ICOSLG: variants seen among roughly 807,000 people sequenced by gnomAD.
ICOSLG encodes inducible T cell costimulator ligand.
For missense variants in ICOSLG, 35 were observed against 158.4 expected, an observed-to-expected ratio of 0.22 and a Z score of 4.18; for synonymous variants, 15 against 64.2, an observed-to-expected ratio of 0.23 and a Z score of 3.66.
At chr21:44,229,948 C>T in exon 6 of ICOSLG, 1 of 830,640 alleles carries the variant, frequency 1.2e-6, no homozygotes. Context: ...TTGTTCAAGG[C>T]AAGGGACTTT....
chr21:44,230,877 GT>G, intron 5 of ICOSLG, among the ~76,000 whole-genome samples: 1 of 115,888 alleles, frequency 8.6e-6, no homozygotes, highest in Middle Eastern at 4.0e-3. Flanking sequence ...AAGTTCCTTT[GT>G]TTTTTTGGGG....
rs145814779 is a variant in ICOSLG, at chr21:44,231,624, T to C, written c.698-180A>G. Among the ~76,000 whole-genome samples the C allele has an allele frequency of 1.0e-4, 4 of 39,068 alleles. 2 individuals carry two copies. The East Asian group carries it at 2.1e-3, about 20-fold the overall frequency. 25.6% of individuals were successfully genotyped at this position (39,068 alleles called of 152,430 possible). On this transcript the variant is annotated intron_variant, in intron 4 of 5. Coordinates refer to ENST00000400379, the Ensembl canonical transcript of ICOSLG. ...TGAGGGTTTTCTCTTACAGAGGGGCTTCATTTCCTGCAGGGATCTTGTTCC... is the reference window on the plus strand; with the variant it reads ...TGAGGGTTTTCTCTTACAGAGGGGCCTCATTTCCTGCAGGGATCTTGTTCC...
Position 44,229,598 on chromosome 21 carries a change from G to A in ICOSLG, c.1354C>T (p.Arg452Cys), listed in dbSNP as rs537575781. 61 of 450,024 alleles carry A rather than the reference G, an allele frequency of 1.4e-4. 12 individuals are homozygous for A. In the Middle Eastern group the frequency reaches 2.2e-3, roughly 16 times the overall value. 27.9% of individuals were successfully genotyped at this position (450,024 alleles called of 1,614,324 possible). ...GTGGCTGCCACAGAGAGAAGCTGGC[G>A]GTGCCCGGACCCACTCCGGACACCC... The change falls in exon 6 of 6, where the codon CGC becomes TGC. Residue 452 changes from arginine to cysteine, a missense_variant. By Grantham distance (180) the Arg-to-Cys change is radical. Transcript: ENST00000400379.
chr21:44,232,728 A>G (rs137916230), intron 4 of ICOSLG, among the ~76,000 whole-genome samples: 1,298 of 97,266 alleles, frequency 0.013, 412 homozygotes, highest in Non-Finnish European at 0.021. Context: ...TTATTTATTT[A>G]TTTACTTTTT....
chr21:44,232,743 A>T lies in ICOSLG; in HGVS notation c.698-1299T>A, dbSNP rs2040071803. 2.1e-5 allele frequency among the ~76,000 whole-genome samples: 2 copies of T among 94,526 alleles called. 1 individual carries two copies. Among genetic ancestry groups the T allele is most frequent in the African/African-American group, 8.1e-5 (2 of 24,724 alleles). The allele number at this position is 94,526 out of a possible 152,430, so 62.0% of individuals were successfully genotyped here. On this transcript the variant is annotated intron_variant, in intron 4 of 5. Transcript: ENST00000400379. ...TTATTTATTTATTTACTTTTTTGAG[A>T]CACAGTCTTCCTCTGTCGCCCACTC...
chr21:44,232,574 AT>A lies in ICOSLG; in HGVS notation c.698-1131del, dbSNP rs1054186849. Among the ~76,000 whole-genome samples, 705 of 75,644 alleles carry A rather than the reference AT, an allele frequency of 9.3e-3. 59 individuals carry two copies. The highest frequency in any genetic ancestry group is 0.028 in the African/African-American group (662 of 23,584). 49.6% of individuals were successfully genotyped at this position (75,644 alleles called of 152,430 possible). On this transcript the variant is annotated intron_variant, in intron 4 of 5. Transcript: ENST00000400379. ...AGGCGTGCACCACCAGGCCTGGCTA[AT>A]TTTTTTTTTGGTAGAGATGAGATCT... is the stretch of plus-strand genomic sequence containing the variant.
chr21:44,230,259 G>A (rs118175083), intron 5 of ICOSLG, among the ~76,000 whole-genome samples, 170 bp from the exon 6 acceptor site: 887 of 61,898 alleles, frequency 0.014, 341 homozygotes, highest in Admixed American at 0.094. Flanking sequence ...CCCAGGCCAC[G>A]TGGCTTTTGA....
exon 6 of ICOSLG, chr21:44,229,768 A>C: frequency 8.7e-7 from 1 of 1,153,912 alleles, no homozygotes; most frequent in South Asian, 1.5e-5. Context: ...GGGGCTGGGC[A>C]CTGGGGAGCG....
At chr21:44,229,772 G>A (rs2040010442) in exon 6 of ICOSLG, 1 of 1,164,636 alleles carries the variant, frequency 8.6e-7, no homozygotes, top group African/African-American at 1.7e-5. Flanking sequence ...CTGGGCACTG[G>A]GGAGCGCGGG....
downstream of ICOSLG, chr21:44,226,804 C>G: frequency 4.4e-6 from 2 of 455,862 alleles, no homozygotes. Flanking sequence ...CCAAGACTCC[C>G]TGCACCCACC....
At chr21:44,227,979 T>A in exon 6 of ICOSLG, 1 of 464,450 alleles carries the variant, frequency 2.2e-6, no homozygotes. Flanking sequence ...TCCTGCCCCC[T>A]TGGGACTGTT....
chr21:44,228,088 CG>C, exon 6 of ICOSLG: 1 of 35,932 alleles, frequency 2.8e-5, no homozygotes, highest in Non-Finnish European at 3.8e-5. Flanking sequence ...TGGTGGGGGC[CG>C]GGGGAGCCAC....
downstream of ICOSLG, chr21:44,224,443 C>T (rs2039941470): frequency 3.8e-5 from 2 of 52,370 alleles, 1 homozygote. Context: ...GTGGCTCGCA[C>T]CTGTAATCCC....
rs1373850306 is a variant in ICOSLG at position 44,229,610 on chromosome 21, C to T, written c.1342G>A (p.Gly448Arg). Residue 448 changes from glycine to arginine, a missense_variant, in exon 6 of 6, where the codon GGG (glycine) becomes AGG (arginine). By Grantham distance (125) the Gly-to-Arg change is moderately radical (BLOSUM62 -2). Transcript: ENST00000400379. ...GAGAGAAGCTGGCGGTGCCCGGACC[C>T]ACTCCGGACACCCCACAGGGGCTGG... 5 of 464,316 alleles carry T rather than the reference C, an allele frequency of 1.1e-5. 1 individual carries two copies. The highest frequency in any genetic ancestry group is 3.1e-5 in the South Asian group (1 of 32,678). 28.8% of individuals were successfully genotyped at this position (464,316 alleles called of 1,614,324 possible).
At chr21:44,229,770 T>C (rs748948705) in exon 6 of ICOSLG, 1 of 1,161,754 alleles carries the variant, frequency 8.6e-7, no homozygotes. Context: ...GGCTGGGCAC[T>C]GGGGAGCGCG....
At chr21:44,229,751 C>G (rs563754394) in exon 6 of ICOSLG, 1 of 1,124,070 alleles carries the variant, frequency 8.9e-7, no homozygotes, top group African/African-American at 1.7e-5. Context: ...CCCTGGACAC[C>G]CTGGTCGGGG....
At chr21:44,226,316 G>A (rs372260223), downstream of ICOSLG, 1 of 112,424 alleles carries the variant, frequency 8.9e-6, no homozygotes, top group African/African-American at 2.7e-5. Context: ...CCAGCAGGCA[G>A]CCTTTTCCCT....
chr21:44,230,095 G>C lies in ICOSLG; in HGVS notation c.863-6C>G, dbSNP rs781492792. On this transcript the variant is annotated splice_polypyrimidine_tract_variant and splice_region_variant and intron_variant, in intron 5 of 5. Transcript: ENST00000400379. ...CGGACTCACAGCCCAGGCACCTGGAGGACAAACCAAAATGGTCAGGGCAGC... is the reference window on the plus strand; with the variant it reads ...CGGACTCACAGCCCAGGCACCTGGACGACAAACCAAAATGGTCAGGGCAGC... 1 of 746,074 alleles carries C rather than the reference G, an allele frequency of 1.3e-6. No individual in the cohort carries two copies. The highest frequency in any genetic ancestry group is 2.2e-5 in the South Asian group (1 of 45,666). 46.2% of individuals were successfully genotyped at this position (746,074 alleles called of 1,614,324 possible).
chr21:44,229,713 G>C, exon 6 of ICOSLG: 1 of 941,652 alleles, frequency 1.1e-6, no homozygotes. Flanking sequence ...GACACCCCAT[G>C]GGGGCTGGGC....
Sources: allele counts gnomAD v4.1 joint callset (sites outside exome capture counted in the v4.1 genomes callset), GRCh38; gene constraint gnomAD v4.1.1; transcripts MANE v1.5; gene names NCBI Gene and HGNC (gene_info 2026-07-23, HGNC 2026-07-21).